Variants in SUPT3H observed in about 807,000 individuals in gnomAD.
The protein encoded by SUPT3H is transcription initiation protein SPT3 homolog.
In SUPT3H, 44 loss-of-function variants were observed where a neutral mutation model predicts 44.3. The observed-to-expected ratio is 0.99, with a 90% CI of 0.78 to 1.28. The LOEUF (loss-of-function observed/expected upper bound fraction) is 1.28, where lower values mean the gene tolerates loss of function less well. SUPT3H is among the 50% of genes most tolerant of loss of function. The pLI, the probability that SUPT3H is intolerant of heterozygous loss-of-function variation, is 0.00. For synonymous variants in SUPT3H, 124 were observed against 125.6 expected (o/e 0.99, Z 0.09); for missense variants, 380 against 387.1 (o/e 0.98, Z 0.15).
chr6:45,162,786 A>G (rs1335070275), intron 2 of SUPT3H, among the ~76,000 whole-genome samples: 1 of 152,166 alleles, frequency 6.6e-6, no homozygotes. Context: ...TAGATAATAT[A>G]TAAATTATTT....
At chr6:45,216,405 C>G (rs1264331891) in intron 2 of SUPT3H, among the ~76,000 whole-genome samples, 1 of 152,052 alleles carries the variant, frequency 6.6e-6, no homozygotes, top group Non-Finnish European at 1.5e-5. Flanking sequence ...ATAAAACAAC[C>G]AGAAAACAAT....
intron 10 of SUPT3H, among the ~76,000 whole-genome samples, chr6:44,851,163 T>C (rs1772824095): frequency 6.6e-6 from 1 of 152,252 alleles, no homozygotes; most frequent in South Asian, 2.1e-4. Flanking sequence ...TAGGAATGGT[T>C]TCAATAAATT....
At chr6:45,044,401 G>T (rs964539169) in intron 3 of SUPT3H, among the ~76,000 whole-genome samples, 1 of 152,052 alleles carries the variant, frequency 6.6e-6, no homozygotes, top group African/African-American at 2.4e-5. Context: ...TGGTTCTCAG[G>T]GTATCTACAG....
At chr6:44,868,308 A>G (rs1389866091) in intron 10 of SUPT3H, among the ~76,000 whole-genome samples, 1 of 152,222 alleles carries the variant, frequency 6.6e-6, no homozygotes, top group Non-Finnish European at 1.5e-5. Context: ...AGCAAACAGA[A>G]TAAAACCCCA....
intron 3 of SUPT3H, among the ~76,000 whole-genome samples, chr6:45,102,176 T>C (rs1333203910): frequency 6.6e-6 from 1 of 152,286 alleles, no homozygotes; most frequent in East Asian, 1.9e-4. Flanking sequence ...CTAACAAATA[T>C]AATGTATACT....
intron 2 of SUPT3H, among the ~76,000 whole-genome samples, chr6:45,230,684 A>ATTTTTT (rs1363543780): frequency 5.7e-4 from 58 of 101,084 alleles, no homozygotes; most frequent in African/African-American, 1.5e-3. Flanking sequence ...ATATATATAT[A>ATTTTTT]TATTTTTGAG....
chr6:45,181,001 T>A (rs924893564), intron 2 of SUPT3H, among the ~76,000 whole-genome samples: 34 of 150,576 alleles, frequency 2.3e-4, no homozygotes, highest in African/African-American at 7.8e-4. Context: ...GAATCTACAA[T>A]GAACTCAAAC....
chr6:44,850,106 C>T, intron 10 of SUPT3H, among the ~76,000 whole-genome samples: 1 of 152,192 alleles, frequency 6.6e-6, no homozygotes, highest in East Asian at 1.9e-4. Context: ...AAACAAAATG[C>T]TAGTTAATGG....
intron 10 of SUPT3H, among the ~76,000 whole-genome samples, chr6:44,843,305 TG>T (rs1388819902): frequency 6.6e-6 from 1 of 152,170 alleles, no homozygotes; most frequent in Non-Finnish European, 1.5e-5. Context: ...TCAGTCTTAG[TG>T]GTGAAAGTCT....
chr6:45,005,573 C>A (rs1167388352), intron 5 of SUPT3H, among the ~76,000 whole-genome samples: 1 of 151,812 alleles, frequency 6.6e-6, no homozygotes, highest in Non-Finnish European at 1.5e-5. Flanking sequence ...GACCCTGTGT[C>A]TACTATAATC....
chr6:45,056,209 G>T lies in SUPT3H; in HGVS notation c.187-35577C>A, dbSNP rs139025540. Among the ~76,000 whole-genome samples the T allele has an allele frequency of 6.2e-3, 944 of 152,256 alleles. 18 individuals carry two copies. Among genetic ancestry groups the T allele is most frequent in the African/African-American group, 0.021 (893 of 41,546 alleles). On this transcript the variant is annotated intron_variant, in intron 3 of 10. Coordinates refer to ENST00000371459, the MANE Select transcript of SUPT3H (RefSeq NM_003599.4). ...GATGCTGTCGTGGATGTGGTGAAAA[G>T]GGAACACTTTTACACTGCTGGTGGG...
intron 6 of SUPT3H, among the ~76,000 whole-genome samples, chr6:44,974,919 C>G (rs1778106535): frequency 6.6e-6 from 1 of 152,136 alleles, no homozygotes; most frequent in Non-Finnish European, 1.5e-5. Flanking sequence ...ATTAAGATGA[C>G]CAGTTTATTG....
At chr6:45,100,160 G>A (rs535871654) in intron 3 of SUPT3H, among the ~76,000 whole-genome samples, 4 of 152,174 alleles carry the variant, frequency 2.6e-5, no homozygotes, top group Admixed American at 6.5e-5. Flanking sequence ...AGGGGAAAAC[G>A]CTTCGGACAT....
chr6:45,143,165 C>T (rs574742534), intron 2 of SUPT3H, among the ~76,000 whole-genome samples: 27 of 152,182 alleles, frequency 1.8e-4, no homozygotes, highest in East Asian at 3.9e-4. Flanking sequence ...GACAGCAAAT[C>T]GACATAGAAA....
At chr6:44,969,406 ATT>A (rs139569046) in intron 6 of SUPT3H, among the ~76,000 whole-genome samples, 3 of 149,858 alleles carry the variant, frequency 2.0e-5, no homozygotes, top group African/African-American at 2.5e-5. Flanking sequence ...CATTTCAGTA[ATT>A]TTTTTTTTTA....
At chr6:45,342,960 C>A (rs570279805) in intron 2 of SUPT3H, among the ~76,000 whole-genome samples, 24 of 152,198 alleles carry the variant, frequency 1.6e-4, no homozygotes, top group Non-Finnish European at 3.4e-4. Context: ...CCAGTTATAG[C>A]GCCTAGTACA....
At chr6:45,214,977 A>G (rs1176146868) in intron 2 of SUPT3H, among the ~76,000 whole-genome samples, 1 of 152,130 alleles carries the variant, frequency 6.6e-6, no homozygotes, top group Non-Finnish European at 1.5e-5. Context: ...AGACCTGAGA[A>G]TCAACCTACC....
rs1414411991 is a variant in SUPT3H, at chr6:44,826,854, C to T, written c.*2962G>A. On this transcript the variant is annotated 3_prime_UTR_variant, in exon 11 of 11. Coordinates refer to ENST00000371459, the MANE Select transcript of SUPT3H (RefSeq NM_003599.4). ...ATAAATGAAGGGTTCTCCCCAGATA[C>T]AGGAATTATATACACCATTTAAAAA... Among the ~76,000 whole-genome samples, 7 of 152,100 alleles carry T rather than the reference C, an allele frequency of 4.6e-5. No individual in the cohort carries two copies. Among genetic ancestry groups the T allele is most frequent in the Admixed American group, 3.9e-4 (6 of 15,260 alleles).
chr6:45,267,566 A>G (rs146290129), intron 2 of SUPT3H, among the ~76,000 whole-genome samples: 27 of 152,326 alleles, frequency 1.8e-4, no homozygotes, highest in Admixed American at 7.9e-4. Context: ...CTAATATTCA[A>G]TTTCTTAGTG....
Sources: gnomAD v4.1 joint callset for allele counts (sites outside exome capture counted in the v4.1 genomes callset) on GRCh38, gnomAD v4.1.1 for gene constraint, MANE v1.5 for transcripts, NCBI Gene and HGNC (gene_info 2026-07-23, HGNC 2026-07-21) for gene names.